The following TRIM27 variants were observed in gnomAD, a reference collection of about 807,000 sequenced individuals.
The protein encoded by TRIM27 is tripartite motif containing 27.
A neutral mutation model predicts 57.6 loss-of-function variants in TRIM27; 12 were observed. That is an observed-to-expected ratio of 0.21 (90% confidence interval 0.13 to 0.34). TRIM27 has a LOEUF of 0.34. TRIM27 is among the 10% of genes least tolerant of loss of function. The pLI, the probability that TRIM27 is intolerant of heterozygous loss-of-function variation, is 1.00. For missense variants in TRIM27, 403 were observed against 656.8 expected, an observed-to-expected ratio of 0.61 and a Z score of 4.22; for synonymous variants, 266 against 259.0, an observed-to-expected ratio of 1.03 and a Z score of -0.26.
At position 28,923,828 on chromosome 6, in the gene TRIM27, T is replaced by G. The variant is rs1774265385; in HGVS notation, c.-196A>C. 3.3e-6 allele frequency: 2 copies of G among 600,422 alleles called. No homozygotes were observed. Among genetic ancestry groups the G allele is most frequent in the South Asian group, 2.3e-5 (1 of 43,034 alleles). 37.2% of individuals were successfully genotyped at this position (600,422 alleles called of 1,614,324 possible). A position where few individuals can be genotyped will look rare whatever the true frequency, so the allele number is the denominator to read the frequency against. ...GTGGCCGGGCCGATGCCTGCGCCTG[T>G]GCCCCCTAAGCGAGAGCGGGAATAC... On this transcript the variant is annotated 5_prime_UTR_variant, in exon 1 of 8. Coordinates refer to ENST00000377199, the MANE Select transcript of TRIM27 (RefSeq NM_006510.5).
intron 4 of TRIM27, among the ~76,000 whole-genome samples, chr6:28,909,886 C>T (rs1281131252): frequency 2.6e-5 from 4 of 152,104 alleles, no homozygotes; most frequent in African/African-American, 9.7e-5. Context: ...CTCACAGCTG[C>T]CCAGTCCCTC....
rs1772503569 is a variant in TRIM27 at position 28,903,079 on chromosome 6, G to A, written c.*991C>T. On this transcript the variant is annotated 3_prime_UTR_variant, in exon 8 of 8. Coordinates refer to ENST00000377199, the MANE Select transcript of TRIM27 (RefSeq NM_006510.5). ...AAGCAGGACTGAGAACCATCATGGG[G>A]GCTTGCTTGAAGTGATCTGCCCCAG... 4.4e-6 allele frequency: 1 copy of A among 229,222 alleles called. No homozygotes were observed. The highest frequency in any genetic ancestry group is 1.8e-4 in the South Asian group (1 of 5,494). 14.2% of individuals were successfully genotyped at this position (229,222 alleles called of 1,614,324 possible). A position where few individuals can be genotyped will look rare whatever the true frequency, so the allele number is the denominator to read the frequency against.
At chr6:28,920,929 G>A (rs1773979115) in intron 2 of TRIM27, among the ~76,000 whole-genome samples, 1 of 152,158 alleles carries the variant, frequency 6.6e-6, no homozygotes, top group South Asian at 2.1e-4. Context: ...TCCTTCACGG[G>A]TGTTCACCAA....
In TRIM27 at chr6:28,903,482, A is replaced by G. The variant is rs1772536205; in HGVS notation, c.*588T>C. The G allele has an allele frequency of 4.3e-6, 1 of 233,770 alleles. No individual in the cohort carries two copies. Among genetic ancestry groups the G allele is most frequent in the African/African-American group, 2.2e-5 (1 of 45,372 alleles). The allele number at this position is 233,770 out of a possible 1,614,324, so 14.5% of individuals were successfully genotyped here. A position where few individuals can be genotyped will look rare whatever the true frequency, so the allele number is the denominator to read the frequency against. ...ATTATCTCATAACAGAGGTGGGGCC[A>G]TTACCCACCATTATTGTAAAATAAC... is the stretch of plus-strand genomic sequence containing the variant. On this transcript the variant is annotated 3_prime_UTR_variant, in exon 8 of 8. Coordinates refer to ENST00000377199, the MANE Select transcript of TRIM27 (RefSeq NM_006510.5).
At chr6:28,912,442 T>G (rs1773275920) in intron 3 of TRIM27, among the ~76,000 whole-genome samples, 1 of 149,216 alleles carries the variant, frequency 6.7e-6, no homozygotes, top group Non-Finnish European at 1.5e-5. Context: ...TAGCATACTC[T>G]TGTCAGGCGC....
rs1408505622 is a variant in TRIM27 at position 28,921,955 on chromosome 6, T to G, written c.453A>C (p.Lys151Asn). Residue 151 changes from lysine to asparagine, a missense_variant, in exon 2 of 8, where the codon AAA (lysine) becomes AAC (asparagine). Transcript: ENST00000377199. ...GTCTCTTCTTTAAATCTTTCACTCT[T>G]TTTAAATGGTCGAGCTGGTTCTGGA... ...EQIQNQLDHLKRVKDLKKRRR... is the reference protein window; with the variant it reads ...EQIQNQLDHLNRVKDLKKRRR... 6.2e-7 allele frequency: 1 copy of G among 1,613,114 alleles called. No homozygotes were observed. Among genetic ancestry groups the G allele is most frequent in the Admixed American group, 1.7e-5 (1 of 60,020 alleles).
chr6:28,907,473 T>C (rs961572727), intron 6 of TRIM27: 5 of 710,834 alleles, frequency 7.0e-6, no homozygotes, highest in African/African-American at 1.8e-5. Context: ...GAATCTTAAG[T>C]ACAGGGATAA....
Position 28,904,896 on chromosome 6 carries a change from C to T in TRIM27, c.947-231G>A, listed in dbSNP as rs1218371250. On this transcript the variant is annotated intron_variant, in intron 7 of 7. Transcript: ENST00000377199. This position sits in a 1 kb window ranked among gnomAD's most constrained non-coding sequence, Gnocchi z 6.1. ...TAGCCCCGTATCTTTTCTTTCACAT[C>T]TGAAGCCACAATATCCATCATGAAC... The T allele has an allele frequency of 3.6e-6, 2 of 555,152 alleles. No individual in the cohort carries two copies. The highest frequency in any genetic ancestry group is 3.7e-5 in the African/African-American group (2 of 53,396). 34.4% of individuals were successfully genotyped at this position (555,152 alleles called of 1,614,324 possible). A position where few individuals can be genotyped will look rare whatever the true frequency, so the allele number is the denominator to read the frequency against.
At chr6:28,910,989 G>C (rs980681409) in intron 4 of TRIM27, among the ~76,000 whole-genome samples, 1 of 152,088 alleles carries the variant, frequency 6.6e-6, no homozygotes, top group Admixed American at 6.5e-5. Flanking sequence ...TTTTGCTTTA[G>C]AAGGTTTTCA....
At position 28,904,622 on chromosome 6, in the gene TRIM27, G is replaced by A. The variant is rs141777208; in HGVS notation, c.990C>T (p.Ile330=). 58 of 1,601,334 alleles carry A rather than the reference G, an allele frequency of 3.6e-5. No individual in the cohort carries two copies. The African/African-American group carries it at 7.2e-4, about 20-fold the overall frequency. ...GCACTTGCCGCAGATTATCAGAGAG[G>A]ATCAGGCTGGGGTAGGCCGTGTCTG... is the stretch of plus-strand genomic sequence containing the variant. ...LDPDTAYPSL[I]LSDNLRQVRY... is the part of the protein sequence containing the mutation. The change falls in exon 8 of 8, where the codon ATC becomes ATT. Residue 330 remains isoleucine (I), a synonymous_variant. Coordinates refer to ENST00000377199, the MANE Select transcript of TRIM27 (RefSeq NM_006510.5). This position sits in a 1 kb window ranked among gnomAD's most constrained non-coding sequence, Gnocchi z 6.1.
intron 3 of TRIM27, among the ~76,000 whole-genome samples, chr6:28,913,055 G>A (rs13213943): frequency 3.3e-5 from 5 of 151,816 alleles, no homozygotes; most frequent in Non-Finnish European, 5.9e-5. Flanking sequence ...CGGGAGTTTG[G>A]GACCAGACTG....
rs1774277021 is a variant in TRIM27, at chr6:28,923,929, G to A, written c.-297C>T. On this transcript the variant is annotated 5_prime_UTR_variant, in exon 1 of 8. Transcript: ENST00000377199. Reference sequence around the variant, plus strand: ...CCGAGGGTCAGAGTCCCAGGGCCAGGCGGGCAAAGCGCGCAAGACAACGTG... The same window carrying A: ...CCGAGGGTCAGAGTCCCAGGGCCAGACGGGCAAAGCGCGCAAGACAACGTG... The A allele has an allele frequency of 2.5e-6, 1 of 402,644 alleles. No homozygotes were observed. The allele number at this position is 402,644 out of a possible 1,614,324, so 24.9% of individuals were successfully genotyped here.
rs2150464965 is a variant in TRIM27, at chr6:28,908,963, C to T, written c.886+10G>A. On this transcript the variant is annotated intron_variant, in intron 5 of 7. Coordinates refer to ENST00000377199, the MANE Select transcript of TRIM27 (RefSeq NM_006510.5). Reference sequence around the variant, plus strand: ...TCCATTTCCCCTCATGACACCTCTCCTCACATTACCTGTGAACTGCTTTAG... The same window carrying T: ...TCCATTTCCCCTCATGACACCTCTCTTCACATTACCTGTGAACTGCTTTAG... The T allele has an allele frequency of 6.2e-7, 1 of 1,607,194 alleles. No homozygotes were observed. The highest frequency in any genetic ancestry group is 1.1e-5 in the South Asian group (1 of 90,732).
chr6:28,909,587 A>C (rs1252636994), intron 4 of TRIM27, among the ~76,000 whole-genome samples: 1 of 152,158 alleles, frequency 6.6e-6, no homozygotes, highest in Non-Finnish European at 1.5e-5. Context: ...CATACCCCCC[A>C]AAGCACCTAG....
intron 3 of TRIM27, among the ~76,000 whole-genome samples, chr6:28,913,181 G>T (rs1325788016): frequency 6.6e-6 from 1 of 151,022 alleles, no homozygotes; most frequent in Non-Finnish European, 1.5e-5. Context: ...CTTGAACCCG[G>T]GAGGCAGAGG....
Position 28,923,208 on chromosome 6 carries a change from C to G in TRIM27, c.420+5G>C. On this transcript the variant is annotated splice_donor_5th_base_variant and intron_variant, in intron 1 of 7. Coordinates refer to ENST00000377199, the MANE Select transcript of TRIM27 (RefSeq NM_006510.5). ...GCTCCCGCCCTCCCGGATCCGCGCC[C>G]TCACCTTGAAGCCCTCCACCGCCTC... The G allele has an allele frequency of 6.4e-7, 1 of 1,557,698 alleles. No individual in the cohort carries two copies. The highest frequency in any genetic ancestry group is 1.1e-5 in the South Asian group (1 of 87,032).
chr6:28,907,695 A>G, intron 6 of TRIM27: 1 of 434,442 alleles, frequency 2.3e-6, no homozygotes, highest in Non-Finnish European at 4.6e-6. Flanking sequence ...CCATTCATTT[A>G]TAAGGCACTT....
intron 3 of TRIM27, chr6:28,914,700 A>G (rs1442089312): frequency 1.3e-5 from 2 of 152,006 alleles, no homozygotes; most frequent in Admixed American, 1.3e-4. Context: ...AGTAACAGAA[A>G]AAAAAAAGAA....
chr6:28,915,716 C>T (rs1258087304), intron 3 of TRIM27: 1 of 152,182 alleles, frequency 6.6e-6, no homozygotes, highest in Non-Finnish European at 1.5e-5. Flanking sequence ...AAGGATAACA[C>T]ACAAATTTGT....
Sources: gnomAD v4.1 joint callset for allele counts (sites outside exome capture counted in the v4.1 genomes callset) on GRCh38, gnomAD v4.1.1 for gene constraint, Gnocchi (gnomAD v3.1) non-coding constraint, MANE v1.5 for transcripts, NCBI Gene and HGNC (gene_info 2026-07-23, HGNC 2026-07-21) for gene names.